PIK3C2A: variants seen among roughly 807,000 people sequenced by gnomAD.
PIK3C2A encodes the protein phosphatidylinositol 4-phosphate 3-kinase C2 domain-containing subunit alpha.
In PIK3C2A, 97 loss-of-function variants were observed where a neutral mutation model predicts 204.5. The observed-to-expected ratio is 0.47, with a 90% CI of 0.40 to 0.56. PIK3C2A has a LOEUF of 0.56. PIK3C2A is among the 20% of genes least tolerant of loss of function. PIK3C2A has a pLI of 0.00. For missense variants in PIK3C2A, 1,735 were observed against 1,969.2 expected, an observed-to-expected ratio of 0.88 and a Z score of 2.25; for synonymous variants, 653 against 664.4, an observed-to-expected ratio of 0.98 and a Z score of 0.26.
chr11:17,137,727 C>A (rs1849921606), intron 8 of PIK3C2A, among the ~76,000 whole-genome samples: 1 of 152,142 alleles, frequency 6.6e-6, no homozygotes, highest in East Asian at 1.9e-4. Context: ...TCTTTAAGTG[C>A]CAATTATCAA....
At chr11:17,138,707 T>C (rs1282816100) in intron 8 of PIK3C2A, among the ~76,000 whole-genome samples, 1 of 152,144 alleles carries the variant, frequency 6.6e-6, no homozygotes, top group Non-Finnish European at 1.5e-5. Flanking sequence ...CTGGCACCAA[T>C]TCAGCTCTGC....
At chr11:17,203,788 G>A (rs897771350) in intron 1 of PIK3C2A, among the ~76,000 whole-genome samples, 2 of 152,086 alleles carry the variant, frequency 1.3e-5, no homozygotes, top group Non-Finnish European at 2.9e-5. Flanking sequence ...AGATCCTCCT[G>A]CTGGCAGGGT....
chr11:17,198,257 C>T (rs1265427858), intron 1 of PIK3C2A, among the ~76,000 whole-genome samples: 1 of 151,894 alleles, frequency 6.6e-6, no homozygotes. Context: ...TTACAGGTGC[C>T]CGCCACCACA....
chr11:17,206,990 C>T (rs1852602860), intron 1 of PIK3C2A, among the ~76,000 whole-genome samples: 1 of 152,138 alleles, frequency 6.6e-6, no homozygotes, highest in African/African-American at 2.4e-5. Context: ...TTCTATCGGG[C>T]CAGTATAGGA....
At chr11:17,121,647 G>T (rs1849371297) in intron 15 of PIK3C2A, among the ~76,000 whole-genome samples, 1 of 151,996 alleles carries the variant, frequency 6.6e-6, no homozygotes, top group African/African-American at 2.4e-5. Flanking sequence ...TTTTCACAAG[G>T]TATTTTAATT....
chr11:17,205,191 G>C (rs916370525), intron 1 of PIK3C2A, among the ~76,000 whole-genome samples: 2 of 150,648 alleles, frequency 1.3e-5, no homozygotes, highest in Non-Finnish European at 3.0e-5. Context: ...GAAAAAAAGA[G>C]CCGGGCAGGG....
intron 4 of PIK3C2A, among the ~76,000 whole-genome samples, chr11:17,149,716 A>AAAC (rs915616290): frequency 3.3e-5 from 5 of 152,122 alleles, no homozygotes; most frequent in African/African-American, 4.8e-5. Context: ...CTCTCTCAAA[A>AAAC]AACAACAACA....
intron 32 of PIK3C2A, among the ~76,000 whole-genome samples, chr11:17,091,058 T>C (rs1038359989): frequency 3.9e-5 from 6 of 151,990 alleles, no homozygotes; most frequent in African/African-American, 1.5e-4. Flanking sequence ...TAAAATGTTT[T>C]AAAATTTAAA....
chr11:17,175,717 T>C (rs764069019), intron 1 of PIK3C2A, among the ~76,000 whole-genome samples: 2 of 152,228 alleles, frequency 1.3e-5, no homozygotes, highest in Non-Finnish European at 2.9e-5. Flanking sequence ...AACTATTTAG[T>C]TAAACGTTTA....
intron 1 of PIK3C2A, among the ~76,000 whole-genome samples, chr11:17,175,781 C>T (rs76856412): frequency 0.011 from 1,682 of 152,304 alleles, 17 homozygotes; most frequent in Middle Eastern, 0.024. Flanking sequence ...TTCTTGGCTT[C>T]TTCTGTGTTA....
intron 2 of PIK3C2A, among the ~76,000 whole-genome samples, chr11:17,167,941 C>G (rs1159341766): frequency 2.6e-5 from 4 of 151,592 alleles, no homozygotes; most frequent in African/African-American, 9.7e-5. Context: ...TTCATTGATT[C>G]ATGGTTAAAA....
chr11:17,182,164 T>G (rs118155973), intron 1 of PIK3C2A, among the ~76,000 whole-genome samples: 30 of 152,162 alleles, frequency 2.0e-4, no homozygotes, highest in Admixed American at 1.8e-3. Context: ...AGTGGGGACT[T>G]TGGGGTACTA....
intron 13 of PIK3C2A, among the ~76,000 whole-genome samples, chr11:17,123,362 T>C (rs958723987): frequency 6.6e-6 from 1 of 151,850 alleles, no homozygotes; most frequent in Non-Finnish European, 1.5e-5. Context: ...GATTGTTCCA[T>C]TGCAGCCTCC....
At chr11:17,179,516 T>C (rs1851462218) in intron 1 of PIK3C2A, among the ~76,000 whole-genome samples, 1 of 152,166 alleles carries the variant, frequency 6.6e-6, no homozygotes, top group Admixed American at 6.5e-5. Flanking sequence ...ATTTTTAAAG[T>C]ACATACTTTC....
chr11:17,129,060 T>C (rs1849610968), intron 13 of PIK3C2A, among the ~76,000 whole-genome samples: 1 of 152,238 alleles, frequency 6.6e-6, no homozygotes. Flanking sequence ...CTTTTCTCCA[T>C]GGAACAGTGA....
Position 17,134,814 on chromosome 11 carries a change from C to T in PIK3C2A, c.2108+5G>A, listed in dbSNP as rs1252695019. The T allele has an allele frequency of 6.2e-7, 1 of 1,607,214 alleles. No individual in the cohort carries two copies. Among genetic ancestry groups the T allele is most frequent in the South Asian group, 1.1e-5 (1 of 90,952 alleles). ...CCATGCCTGGCTGCTTAAACAGTTA[C>T]TTACTTTGATACCCAATTACTTGAA... On this transcript the variant is annotated splice_donor_5th_base_variant and intron_variant, in intron 11 of 32. Coordinates refer to ENST00000691414, the MANE Select transcript of PIK3C2A (RefSeq NM_002645.4).
intron 1 of PIK3C2A, among the ~76,000 whole-genome samples, chr11:17,197,353 T>C (rs1362469063): frequency 6.6e-6 from 1 of 152,034 alleles, no homozygotes; most frequent in African/African-American, 2.4e-5. Flanking sequence ...TATTACTCTA[T>C]TAAAACGATT....
chr11:17,135,009 G>T lies in PIK3C2A; in HGVS notation c.1918C>A (p.Pro640Thr), dbSNP rs150187690. ...STRGSLNPEN[P>T]VQVSINQLTA... ...AATTGGTTTATGCTTACTTGAACAG[G>T]ATTTTCAGGATTAAGTGAGCCTAGA... The change falls in exon 11 of 33, where the codon CCT becomes ACT. Residue 640 changes from proline to threonine, a missense_variant. By Grantham distance (38) the Pro-to-Thr change is conservative. Coordinates refer to ENST00000691414, the MANE Select transcript of PIK3C2A (RefSeq NM_002645.4). 2.1e-5 allele frequency: 34 copies of T among 1,613,682 alleles called. No homozygotes were observed. The highest frequency in any genetic ancestry group is 2.9e-5 in the Non-Finnish European group (34 of 1,179,816).
chr11:17,162,123 G>T (rs1334314033), intron 2 of PIK3C2A, among the ~76,000 whole-genome samples: 2 of 152,026 alleles, frequency 1.3e-5, no homozygotes, highest in East Asian at 3.9e-4. Context: ...ATCACCTGAG[G>T]TCACGAGTTC....
Sources: allele counts gnomAD v4.1 joint callset (sites outside exome capture counted in the v4.1 genomes callset), GRCh38; gene constraint gnomAD v4.1.1; transcripts MANE v1.5; gene names NCBI Gene and HGNC (gene_info 2026-07-23, HGNC 2026-07-21).